The following MPP7 variants were observed in gnomAD, a reference collection of about 807,000 sequenced individuals.
MPP7 encodes the protein MAGUK p55 scaffold protein 7, also known as MAGUK p55 subfamily member 7.
In MPP7, 60 loss-of-function variants were observed where a neutral mutation model predicts 76.5. That is an observed-to-expected ratio of 0.78 (90% CI 0.64 to 0.97). MPP7 has a LOEUF of 0.97. MPP7 is among the 50% of genes least tolerant of loss of function. MPP7 has a pLI of 0.00. For missense variants in MPP7, 641 were observed against 694.0 expected (o/e 0.92, Z 0.86); for synonymous variants, 237 against 244.5 (o/e 0.97, Z 0.29).
intron 2 of MPP7, 58 bp from the exon 3 acceptor site, chr10:28,202,329 C>A: frequency 7.9e-7 from 1 of 1,269,122 alleles, no homozygotes; most frequent in East Asian, 2.4e-5. Flanking sequence ...TTAATTTCGC[C>A]TAAGGTGTGT....
intron 6 of MPP7, among the ~76,000 whole-genome samples, chr10:28,126,592 T>C (rs1835024157): frequency 6.6e-6 from 1 of 152,246 alleles, no homozygotes; most frequent in African/African-American, 2.4e-5. Context: ...CATCCAATAC[T>C]GCTTAACCTC....
chr10:28,222,174 T>C (rs955454206), intron 2 of MPP7, among the ~76,000 whole-genome samples: 3 of 151,748 alleles, frequency 2.0e-5, no homozygotes, highest in African/African-American at 7.3e-5. Flanking sequence ...TTTTTAGGAC[T>C]GAACCCTAAG....
At chr10:28,226,294 T>C (rs990200283) in intron 2 of MPP7, among the ~76,000 whole-genome samples, 10 of 151,990 alleles carry the variant, frequency 6.6e-5, no homozygotes, top group Non-Finnish European at 1.3e-4. Flanking sequence ...TCACCCAGGC[T>C]GGAGTGCAGT....
At chr10:28,200,331 G>A (rs1300504437) in intron 3 of MPP7, among the ~76,000 whole-genome samples, 2 of 152,162 alleles carry the variant, frequency 1.3e-5, no homozygotes, top group Non-Finnish European at 2.9e-5. Context: ...CTAGAGGTAC[G>A]TAATAAAACT....
intron 5 of MPP7, among the ~76,000 whole-genome samples, chr10:28,133,426 T>C (rs1835257286): frequency 6.6e-6 from 1 of 152,118 alleles, no homozygotes; most frequent in Admixed American, 6.6e-5. Context: ...GCCAAAACAT[T>C]ACATAAAAGC....
chr10:28,320,098 T>C lies in MPP7; in HGVS notation c.-132+9831A>G, dbSNP rs112149613. 2.0e-3 allele frequency among the ~76,000 whole-genome samples: 307 copies of C among 152,294 alleles called. 3 individuals carry two copies. The highest frequency in any genetic ancestry group is 6.7e-3 in the African/African-American group (279 of 41,568). On this transcript the variant is annotated intron_variant, in intron 2 of 11. Coordinates refer to the MPP7 transcript ENST00000441595. ...CCCAGTCACGCACTGAATGTCTCTATGTAAAGGAGTCAGTTAGTGACTCTG... is the reference window on the plus strand; with the variant it reads ...CCCAGTCACGCACTGAATGTCTCTACGTAAAGGAGTCAGTTAGTGACTCTG...
intron 3 of MPP7, among the ~76,000 whole-genome samples, chr10:28,192,039 G>A (rs1430835015): frequency 4.0e-5 from 6 of 151,728 alleles, no homozygotes; most frequent in African/African-American, 1.2e-4. Flanking sequence ...CACGAGAATC[G>A]CTTGAACCCC....
At chr10:28,210,372 G>T (rs1316506934) in intron 2 of MPP7, among the ~76,000 whole-genome samples, 1 of 152,144 alleles carries the variant, frequency 6.6e-6, no homozygotes, top group African/African-American at 2.4e-5. Context: ...GTACGTATGT[G>T]TGTGGGGATG....
chr10:28,156,063 T>C (rs927152492), intron 3 of MPP7, among the ~76,000 whole-genome samples: 14 of 152,242 alleles, frequency 9.2e-5, no homozygotes, highest in African/African-American at 3.4e-4. Context: ...GAAGAATTTA[T>C]AGTATTTTCA....
intron 11 of MPP7, among the ~76,000 whole-genome samples, chr10:28,111,710 C>G (rs768338461): frequency 2.6e-5 from 4 of 152,070 alleles, no homozygotes; most frequent in Admixed American, 6.6e-5. Flanking sequence ...TTTATTCTGT[C>G]TATATTATCT....
chr10:28,226,796 G>C (rs12357236), intron 2 of MPP7, among the ~76,000 whole-genome samples: 2 of 151,858 alleles, frequency 1.3e-5, no homozygotes, highest in Non-Finnish European at 2.9e-5. Flanking sequence ...AGCAGAACTC[G>C]CACTATTCCC....
intron 11 of MPP7, 41 bp from the exon 12 acceptor site, chr10:28,089,882 C>T: frequency 9.8e-7 from 1 of 1,023,260 alleles, no homozygotes; most frequent in Non-Finnish European, 1.4e-6. Flanking sequence ...TAACATCAAC[C>T]AAAAAAGAAA....
chr10:28,077,328 C>T (rs1009755434), intron 12 of MPP7, among the ~76,000 whole-genome samples: 1 of 152,070 alleles, frequency 6.6e-6, no homozygotes, highest in African/African-American at 2.4e-5. Flanking sequence ...TTAGGTTATT[C>T]TAGGTCATCA....
intron 1 of MPP7, among the ~76,000 whole-genome samples, chr10:28,330,468 A>T (rs1367053947): frequency 6.9e-6 from 1 of 144,106 alleles, no homozygotes; most frequent in African/African-American, 2.8e-5. Context: ...AAGATTTTTT[A>T]TTAATTTTTA....
chr10:28,110,426 C>A (rs1387382105), intron 11 of MPP7, among the ~76,000 whole-genome samples: 1 of 152,086 alleles, frequency 6.6e-6, no homozygotes, highest in African/African-American at 2.4e-5. Context: ...GCCACCTGAT[C>A]CCCCAAAGTA....
At chr10:28,251,705 A>G (rs1040729495) in intron 1 of MPP7, among the ~76,000 whole-genome samples, 4 of 152,136 alleles carry the variant, frequency 2.6e-5, no homozygotes, top group African/African-American at 9.7e-5. Context: ...AGGCACAGGT[A>G]TTCCGACTTC....
intron 2 of MPP7, among the ~76,000 whole-genome samples, chr10:28,205,793 T>C (rs1400304234): frequency 6.6e-6 from 1 of 152,134 alleles, no homozygotes; most frequent in Non-Finnish European, 1.5e-5. Flanking sequence ...AGTTAGGTCT[T>C]TGCTGTGGTT....
intron 3 of MPP7, among the ~76,000 whole-genome samples, chr10:28,170,212 A>C (rs1836633870): frequency 6.6e-6 from 1 of 151,986 alleles, no homozygotes; most frequent in African/African-American, 2.4e-5. Flanking sequence ...TGTTCTGTTT[A>C]TGTATATGTT....
intron 3 of MPP7, among the ~76,000 whole-genome samples, chr10:28,190,023 CAT>C (rs1468252659): frequency 7.9e-5 from 12 of 152,174 alleles, no homozygotes; most frequent in Non-Finnish European, 1.6e-4. Flanking sequence ...AGATGGAGTA[CAT>C]ATGTCAATTC....
Sources: allele counts gnomAD v4.1 joint callset (sites outside exome capture counted in the v4.1 genomes callset), GRCh38; gene constraint gnomAD v4.1.1; transcripts MANE v1.5; gene names NCBI Gene and HGNC (gene_info 2026-07-23, HGNC 2026-07-21).